The following RBFOX1 variants were observed in gnomAD, a reference collection of about 807,000 sequenced individuals.
RBFOX1 encodes RNA binding fox-1 homolog 1, also known as RNA binding protein fox-1 homolog 1.
Under a neutral mutation model 57.7 loss-of-function variants are expected in RBFOX1, and 8 were observed. The observed-to-expected ratio is 0.14, with a 90% CI of 0.08 to 0.25. The LOEUF is 0.25. Ranked by LOEUF, RBFOX1 falls within the 10% of genes least tolerant of loss-of-function variation. The pLI is 1.00. For missense variants in RBFOX1, 611 were observed against 548.5 expected, an observed-to-expected ratio of 1.11 and a Z score of -1.14; for synonymous variants, 326 against 222.4, an observed-to-expected ratio of 1.47 and a Z score of -4.15.
chr16:5,951,891 C>T (rs961072306), intron 4 of RBFOX1, among the ~76,000 whole-genome samples: 5 of 151,468 alleles, frequency 3.3e-5, no homozygotes, highest in African/African-American at 1.2e-4. Context: ...TGTGTATATA[C>T]ATATATATAC....
chr16:6,977,266 C>G (rs572630888), intron 3 of RBFOX1, among the ~76,000 whole-genome samples: 8 of 150,846 alleles, frequency 5.3e-5, no homozygotes, highest in African/African-American at 1.7e-4. Context: ...ATTTGCTCTG[C>G]TACAAGGGTT....
intron 1 of RBFOX1, among the ~76,000 whole-genome samples, chr16:5,279,979 T>C (rs1490878801): frequency 1.3e-5 from 2 of 152,222 alleles, no homozygotes; most frequent in African/African-American, 2.4e-5. Context: ...CTGTGTTGAA[T>C]AGGAGTGGTG....
chr16:6,232,430 A>T (rs1464009901), intron 1 of RBFOX1, among the ~76,000 whole-genome samples: 1 of 152,088 alleles, frequency 6.6e-6, no homozygotes, highest in South Asian at 2.1e-4. Context: ...ATGTTTCAGC[A>T]TTTTTTTCCT....
chr16:5,947,000 C>T lies in RBFOX1; in HGVS notation c.351+79665C>T, dbSNP rs2059413192. On this transcript the variant is annotated intron_variant, in intron 4 of 19. Transcript: ENST00000641259. The surrounding 1 kb of genome is among the most constrained non-coding windows in gnomAD (Gnocchi z 4.6). ...GCAGAAGTAGGAGGATTGCTTGAGGCCAGGAGTTTGAGACCAGCTCTAGCA... is the reference window on the plus strand; with the variant it reads ...GCAGAAGTAGGAGGATTGCTTGAGGTCAGGAGTTTGAGACCAGCTCTAGCA... Among the ~76,000 whole-genome samples the T allele has an allele frequency of 6.6e-6, 1 of 152,114 alleles. No individual in the cohort carries two copies. The highest frequency in any genetic ancestry group is 1.5e-5 in the Non-Finnish European group (1 of 68,024).
intron 3 of RBFOX1, among the ~76,000 whole-genome samples, chr16:6,842,236 C>T (rs530745589): frequency 2.0e-5 from 3 of 151,902 alleles, no homozygotes; most frequent in Non-Finnish European, 4.4e-5. Flanking sequence ...CTGAATAATA[C>T]CTCTGACATG....
chr16:6,356,963 C>G (rs1373313949), intron 2 of RBFOX1, among the ~76,000 whole-genome samples: 2 of 152,120 alleles, frequency 1.3e-5, no homozygotes, highest in Non-Finnish European at 2.9e-5. Context: ...GGCAATCACT[C>G]CTCCAGCAGC....
chr16:6,064,615 A>C (rs535549165), intron 1 of RBFOX1, among the ~76,000 whole-genome samples: 1 of 152,086 alleles, frequency 6.6e-6, no homozygotes, highest in African/African-American at 2.4e-5. Context: ...ATCTCGGCTC[A>C]CTGCAACCTC....
intron 1 of RBFOX1, among the ~76,000 whole-genome samples, chr16:5,434,811 C>G (rs919775312): frequency 1.1e-4 from 17 of 152,206 alleles, no homozygotes; most frequent in Non-Finnish European, 2.4e-4. Flanking sequence ...ATCATTTATT[C>G]TCTTGGTTAC....
At position 6,529,518 on chromosome 16, in the gene RBFOX1, C is replaced by T. The variant is rs545892536; in HGVS notation, c.-63-125085C>T. ...AGGTTGCAGTAAGTCGACATTGCACCACTGCACTGCAGCCTGGGTGACAGA... is the reference window on the plus strand; with the variant it reads ...AGGTTGCAGTAAGTCGACATTGCACTACTGCACTGCAGCCTGGGTGACAGA... On this transcript the variant is annotated intron_variant, in intron 2 of 15. Transcript: ENST00000550418. 3.3e-5 allele frequency among the ~76,000 whole-genome samples: 5 copies of T among 151,932 alleles called. No homozygotes were observed. In the South Asian group the frequency reaches 8.4e-4, roughly 25 times the overall value.
intron 3 of RBFOX1, among the ~76,000 whole-genome samples, chr16:6,881,497 G>C (rs2062922714): frequency 6.6e-6 from 1 of 152,132 alleles, no homozygotes; most frequent in African/African-American, 2.4e-5. Flanking sequence ...GCTACATAGA[G>C]AGCCTGTGTA....
chr16:6,656,233 A>G (rs67211454), intron 3 of RBFOX1, among the ~76,000 whole-genome samples: 15,424 of 152,156 alleles, frequency 0.1, 807 homozygotes, highest in African/African-American at 0.12. Context: ...ATGTTCCCCA[A>G]CCTGCTTCCA....
intron 4 of RBFOX1, among the ~76,000 whole-genome samples, chr16:7,347,477 C>A (rs1419377122): frequency 2.6e-5 from 4 of 152,182 alleles, no homozygotes. Flanking sequence ...AGTCATTTCC[C>A]ACCAGGTTCC....
intron 14 of RBFOX1, among the ~76,000 whole-genome samples, chr16:7,708,493 C>G (rs1208231558): frequency 1.5e-5 from 2 of 134,288 alleles, no homozygotes; most frequent in Admixed American, 1.5e-4. Context: ...CCAAATCAGT[C>G]TGATTGAATG....
chr16:6,644,774 T>C (rs2154077129), intron 2 of RBFOX1, among the ~76,000 whole-genome samples: 1 of 152,188 alleles, frequency 6.6e-6, no homozygotes, highest in East Asian at 1.9e-4. Flanking sequence ...GTGATTGCCC[T>C]GGGATTCCTT....
chr16:7,156,155 C>A (rs970733005), intron 4 of RBFOX1, among the ~76,000 whole-genome samples: 2 of 151,610 alleles, frequency 1.3e-5, no homozygotes, highest in African/African-American at 4.9e-5. Flanking sequence ...ACAAGTGTGA[C>A]CACTGTGCCT....
intron 3 of RBFOX1, among the ~76,000 whole-genome samples, chr16:6,899,161 C>T (rs1431238636): frequency 3.4e-5 from 5 of 145,456 alleles, no homozygotes; most frequent in Admixed American, 1.4e-4. Context: ...GTGTATGTAA[C>T]ATGTGTATGT....
intron 11 of RBFOX1, among the ~76,000 whole-genome samples, chr16:7,646,704 G>A (rs1012217809): frequency 6.6e-6 from 1 of 152,136 alleles, no homozygotes; most frequent in African/African-American, 2.4e-5. Context: ...CCCCCCTGTC[G>A]GGTTTTGCAT....
chr16:7,140,141 A>G (rs60955735), intron 4 of RBFOX1, among the ~76,000 whole-genome samples: 1,036 of 81,338 alleles, frequency 0.013, 18 homozygotes, highest in African/African-American at 0.046. Context: ...TCATTCTCTT[A>G]TTCTCTCCTT....
intron 2 of RBFOX1, among the ~76,000 whole-genome samples, chr16:5,536,523 A>G (rs533155453): frequency 3.3e-5 from 5 of 152,268 alleles, no homozygotes; most frequent in African/African-American, 1.2e-4. Flanking sequence ...GGTGTGAGCC[A>G]GCGCTCCTGG....
Sources: gnomAD v4.1 joint callset for allele counts (sites outside exome capture counted in the v4.1 genomes callset) on GRCh38, gnomAD v4.1.1 for gene constraint, Gnocchi (gnomAD v3.1) non-coding constraint, MANE v1.5 for transcripts, NCBI Gene and HGNC (gene_info 2026-07-23, HGNC 2026-07-21) for gene names.